The following SYT7 variants were observed in gnomAD, a reference collection of about 807,000 sequenced individuals.
SYT7 encodes synaptotagmin 7, also known as synaptotagmin-7.
SYT7 carries 29 observed loss-of-function variants against 75.1 expected under a neutral mutation model. That is an observed-to-expected ratio of 0.39 (90% CI 0.29 to 0.53). The LOEUF is 0.53. Among genes scored for constraint, SYT7 ranks in the 20% least tolerant of loss-of-function variants. SYT7 has a pLI of 0.77. For missense variants in SYT7, 693 were observed against 953.2 expected (o/e 0.73, Z 3.59); for synonymous variants, 376 against 401.7 (o/e 0.94, Z 0.76).
At position 61,513,922 on chromosome 11, in the gene SYT7, T is replaced by G. The variant is rs2062102144; in HGVS notation, c.*4705A>C. 6.6e-6 allele frequency among the ~76,000 whole-genome samples: 1 copy of G among 152,128 alleles called. No individual in the cohort carries two copies. The highest frequency in any genetic ancestry group is 2.4e-5 in the African/African-American group (1 of 41,418). ...GGGGCATCGGCGTGCTCAAGGCTTG[T>G]CCTTCTGGTTGTCTTTGCGTGGGAG... On this transcript the variant is annotated 3_prime_UTR_variant, in exon 13 of 13. Coordinates refer to ENST00000539008, the MANE Select transcript of SYT7 (RefSeq NM_001365809.2).
chr11:61,522,584 G>A (rs985299978), intron 12 of SYT7, among the ~76,000 whole-genome samples: 1 of 152,176 alleles, frequency 6.6e-6, no homozygotes. Flanking sequence ...CCATTTTACA[G>A]ATGAGAACAC....
At position 61,580,072 on chromosome 11, in the gene SYT7, C is replaced by T. The variant is rs1160513889; in HGVS notation, c.31+718G>A. ...GCTCCCAGGCCACTCCCCTGGCGGGCGAAGCAGAAGGCAAAGGAGTTCGGC... is the reference window on the plus strand; with the variant it reads ...GCTCCCAGGCCACTCCCCTGGCGGGTGAAGCAGAAGGCAAAGGAGTTCGGC... On this transcript the variant is annotated intron_variant, in intron 1 of 12. Transcript: ENST00000539008. This position sits in a 1 kb window ranked among gnomAD's most constrained non-coding sequence, Gnocchi z 6.1. 6.6e-6 allele frequency among the ~76,000 whole-genome samples: 1 copy of T among 152,126 alleles called. No individual in the cohort carries two copies. Among genetic ancestry groups the T allele is most frequent in the South Asian group, 2.1e-4 (1 of 4,834 alleles).
chr11:61,574,178 C>T (rs1330057284), intron 1 of SYT7, among the ~76,000 whole-genome samples: 1 of 152,242 alleles, frequency 6.6e-6, no homozygotes, highest in Non-Finnish European at 1.5e-5. Flanking sequence ...CTACCGCTGG[C>T]TGAGTGTTTA....
chr11:61,532,939 T>C (rs768361332), intron 8 of SYT7, 50 bp downstream of exon 8: 14 of 1,604,110 alleles, frequency 8.7e-6, no homozygotes, highest in Middle Eastern at 3.3e-4. Flanking sequence ...TTCCTGCCCC[T>C]GGCCTCCCAG....
intron 7 of SYT7, 134 bp from the exon 8 acceptor site, chr11:61,533,258 T>C (rs976274967): frequency 1.4e-6 from 2 of 1,432,344 alleles, no homozygotes; most frequent in Non-Finnish European, 1.8e-6. Context: ...GGAGCGGTAC[T>C]CCAGTCCACG....
At position 61,580,860 on chromosome 11, in the gene SYT7, C is replaced by T; in HGVS notation, c.-40G>A. The T allele has an allele frequency of 2.5e-6, 3 of 1,185,690 alleles. No homozygotes were observed. The highest frequency in any genetic ancestry group is 3.1e-6 in the Non-Finnish European group (3 of 959,172). 73.4% of individuals were successfully genotyped at this position (1,185,690 alleles called of 1,614,324 possible). A position where few individuals can be genotyped will look rare whatever the true frequency, so the allele number is the denominator to read the frequency against. ...CGGTTCCCTCCGGGCTCCTCAGAGC[C>T]GCCCGCGGCCGCGCGCTGCTCCGCC... On this transcript the variant is annotated 5_prime_UTR_variant, in exon 1 of 13. Coordinates refer to ENST00000539008, the MANE Select transcript of SYT7 (RefSeq NM_001365809.2). The surrounding 1 kb of genome is among the most constrained non-coding windows in gnomAD (Gnocchi z 6.1).
At chr11:61,564,263 G>C (rs2063710230) in intron 1 of SYT7, among the ~76,000 whole-genome samples, 1 of 152,114 alleles carries the variant, frequency 6.6e-6, no homozygotes, top group Non-Finnish European at 1.5e-5. Context: ...CTCTCAGATG[G>C]TGACATGCAC....
chr11:61,518,495 C>T lies in SYT7; in HGVS notation c.*132G>A. The T allele has an allele frequency of 1.7e-6, 1 of 574,832 alleles. No individual in the cohort carries two copies. Among genetic ancestry groups the T allele is most frequent in the Non-Finnish European group, 2.9e-6 (1 of 341,230 alleles). 35.6% of individuals were successfully genotyped at this position (574,832 alleles called of 1,614,324 possible). A position where few individuals can be genotyped will look rare whatever the true frequency, so the allele number is the denominator to read the frequency against. On this transcript the variant is annotated 3_prime_UTR_variant, in exon 13 of 13. Coordinates refer to ENST00000539008, the MANE Select transcript of SYT7 (RefSeq NM_001365809.2). ...AACGGGGCCCAGTTGAGTCCTGGGACCCCTCCCTGGCTGAGCCCTCAGGGT... is the reference window on the plus strand; with the variant it reads ...AACGGGGCCCAGTTGAGTCCTGGGATCCCTCCCTGGCTGAGCCCTCAGGGT...
At chr11:61,537,708 G>C (rs1039392029) in intron 7 of SYT7, among the ~76,000 whole-genome samples, 1 of 152,210 alleles carries the variant, frequency 6.6e-6, no homozygotes, top group African/African-American at 2.4e-5. Flanking sequence ...CAAGAGGGAG[G>C]TTGAGGGGGT....
chr11:61,572,731 TTCTCTG>T (rs1288578707), intron 1 of SYT7, among the ~76,000 whole-genome samples: 2 of 152,168 alleles, frequency 1.3e-5, no homozygotes, highest in African/African-American at 4.8e-5. Context: ...TAGCTGCCCC[TTCTCTG>T]GGCTGGCTTT....
In SYT7 at chr11:61,551,386, G is replaced by C. The variant is rs2063344914; in HGVS notation, c.213C>G (p.Ile71Met). The C allele has an allele frequency of 6.2e-7, 1 of 1,613,648 alleles. No homozygotes were observed. Among genetic ancestry groups the C allele is most frequent in the Non-Finnish European group, 8.5e-7 (1 of 1,179,944 alleles). The change falls in exon 3 of 13, where the codon ATC becomes ATG. Residue 71 changes from isoleucine (I) to methionine (M), a missense_variant and splice_region_variant. Physicochemically the swap from Ile to Met is conservative, Grantham distance 10. Transcript: ENST00000539008. This position sits in a 1 kb window ranked among gnomAD's most constrained non-coding sequence, Gnocchi z 5.3. Reference protein sequence around the residue: ...SGRGRSEKKAINDLDRDFWNN... With the variant: ...SGRGRSEKKAMNDLDRDFWNN... The stretch of plus-strand genomic sequence containing the variant: ...CAAACTAGCAGCCTGGCACCTACTT[G>C]ATAGCCTTCTTCTCACTGCGCCCAC...
chr11:61,553,314 C>CA lies in SYT7; in HGVS notation c.136-1852dup. Among the ~76,000 whole-genome samples the CA allele has an allele frequency of 6.6e-6, 1 of 152,238 alleles. No homozygotes were observed. The highest frequency in any genetic ancestry group is 1.9e-4 in the East Asian group (1 of 5,190). On this transcript the variant is annotated intron_variant, in intron 2 of 12. Coordinates refer to ENST00000539008, the MANE Select transcript of SYT7 (RefSeq NM_001365809.2). This position sits in a 1 kb window ranked among gnomAD's most constrained non-coding sequence, Gnocchi z 5.2. ...CCCCGCCCCACTATTCTCCAGCACA[C>CA]AGGCAGTGTGGGTCAAGAGTGGGGC...
chr11:61,525,346 C>T (rs1365845394), intron 9 of SYT7, among the ~76,000 whole-genome samples: 1 of 152,188 alleles, frequency 6.6e-6, no homozygotes, highest in Non-Finnish European at 1.5e-5. Flanking sequence ...AGTCCTTCCA[C>T]AATTTGGCCC....
chr11:61,530,543 C>T (rs868506915), intron 8 of SYT7, among the ~76,000 whole-genome samples: 5 of 152,300 alleles, frequency 3.3e-5, no homozygotes, highest in South Asian at 2.1e-4. Flanking sequence ...TTCTGCCCCG[C>T]GACCTGACCC....
intron 7 of SYT7, chr11:61,533,450 G>A: frequency 5.1e-6 from 5 of 985,352 alleles, no homozygotes; most frequent in Non-Finnish European, 6.0e-6. Flanking sequence ...TCTCTGAGGT[G>A]GCCACTGCCC....
At chr11:61,555,738 T>G (rs1428578412) in intron 2 of SYT7, among the ~76,000 whole-genome samples, 1 of 151,684 alleles carries the variant, frequency 6.6e-6, no homozygotes, top group African/African-American at 2.4e-5. Flanking sequence ...AGTCTGCGCG[T>G]GTGTGCCTGC....
At chr11:61,572,444 G>C (rs755528542) in intron 1 of SYT7, among the ~76,000 whole-genome samples, 1 of 152,208 alleles carries the variant, frequency 6.6e-6, no homozygotes, top group African/African-American at 2.4e-5. Context: ...AGGATAAGGA[G>C]GCACCAGGCA....
At chr11:61,578,007 G>A (rs2064131935) in intron 1 of SYT7, among the ~76,000 whole-genome samples, 1 of 152,236 alleles carries the variant, frequency 6.6e-6, no homozygotes, top group African/African-American at 2.4e-5. Flanking sequence ...AGAGGGTGAA[G>A]GCTGAGGGCA....
intron 1 of SYT7, among the ~76,000 whole-genome samples, chr11:61,574,670 A>G (rs570817935): frequency 1.4e-4 from 21 of 151,844 alleles, no homozygotes; most frequent in African/African-American, 4.8e-4. Context: ...GAGTCCCAGT[A>G]TCTGGACGCG....
Sources: gnomAD v4.1 joint callset for allele counts (sites outside exome capture counted in the v4.1 genomes callset) on GRCh38, gnomAD v4.1.1 for gene constraint, Gnocchi (gnomAD v3.1) non-coding constraint, MANE v1.5 for transcripts, NCBI Gene and HGNC (gene_info 2026-07-23, HGNC 2026-07-21) for gene names.